CAND1: variants seen among roughly 807,000 people sequenced by gnomAD.
CAND1 encodes the protein cullin-associated NEDD8-dissociated protein 1.
CAND1 carries 7 observed loss-of-function variants against 108.5 expected under a neutral mutation model. The ratio of observed to expected loss-of-function variants is 0.06; its 90% CI spans 0.04 to 0.12. The LOEUF is 0.12. CAND1 is among the 10% of genes least tolerant of loss of function. The pLI, the probability that CAND1 is intolerant of heterozygous loss-of-function variation, is 1.00. For missense variants in CAND1, 941 were observed against 1,448.7 expected, an observed-to-expected ratio of 0.65 and a Z score of 5.69; for synonymous variants, 534 against 512.0, an observed-to-expected ratio of 1.04 and a Z score of -0.58.
intron 11 of CAND1, among the ~76,000 whole-genome samples, chr12:67,308,575 T>A (rs1256740512): frequency 6.6e-6 from 1 of 152,074 alleles, no homozygotes; most frequent in Non-Finnish European, 1.5e-5. Context: ...TGAATTATGA[T>A]CTAGTTAAGT....
rs1435380102 is a variant in CAND1, at chr12:67,299,580, A to C, written c.1000+485A>C. Among the ~76,000 whole-genome samples, 4 of 152,158 alleles carry C rather than the reference A, an allele frequency of 2.6e-5. No individual in the cohort carries two copies. The East Asian group carries it at 7.7e-4, about 29-fold the overall frequency. On this transcript the variant is annotated intron_variant, in intron 7 of 14. Coordinates refer to ENST00000545606, the MANE Select transcript of CAND1 (RefSeq NM_018448.5). ...TATTTAGGGCAGCTTGGCTTGAAAG[A>C]ATATTAGTTTGTTTATTCATAGTTC...
intron 1 of CAND1, among the ~76,000 whole-genome samples, chr12:67,281,637 A>G (rs1818053071): frequency 6.6e-6 from 1 of 152,178 alleles, no homozygotes; most frequent in Non-Finnish European, 1.5e-5. Flanking sequence ...TGGGGAAAAT[A>G]ATTTTGGATA....
At chr12:67,283,582 CAAA>C (rs376419534) in intron 2 of CAND1, among the ~76,000 whole-genome samples, 4 of 88,504 alleles carry the variant, frequency 4.5e-5, no homozygotes, top group Non-Finnish European at 2.4e-5. Context: ...GACTGTGTCT[CAAA>C]AAAAAAAAAA....
At chr12:67,293,087 GGAA>G (rs1317471994) in intron 3 of CAND1, 1 of 272,658 alleles carries the variant, frequency 3.7e-6, no homozygotes, top group African/African-American at 2.3e-5. Flanking sequence ...ATGCAGTGAG[GGAA>G]GAGATAACCA....
intron 2 of CAND1, among the ~76,000 whole-genome samples, chr12:67,287,857 A>ATTTTTTTTTTTT (rs34177330): frequency 1.8e-5 from 2 of 112,568 alleles, no homozygotes; most frequent in African/African-American, 3.3e-5. Context: ...TTTTGATGTG[A>ATTTTTTTTTTTT]TTTTTTTTTT....
chr12:67,283,945 A>T (rs1462129967), intron 2 of CAND1, among the ~76,000 whole-genome samples: 4 of 152,204 alleles, frequency 2.6e-5, no homozygotes, highest in Admixed American at 2.0e-4. Flanking sequence ...ATAGAGTAGG[A>T]GATAAAATGA....
At chr12:67,277,927 A>G (rs905733935) in intron 1 of CAND1, among the ~76,000 whole-genome samples, 2 of 152,144 alleles carry the variant, frequency 1.3e-5, no homozygotes, top group African/African-American at 2.4e-5. Context: ...GTTCTCTCCA[A>G]AGTATGGTCC....
Position 67,313,106 on chromosome 12 carries a change from G to A in CAND1, c.*276G>A. 1 of 268,030 alleles carries A rather than the reference G, an allele frequency of 3.7e-6. No homozygotes were observed. The highest frequency in any genetic ancestry group is 7.1e-6 in the Non-Finnish European group (1 of 141,474). The allele number at this position is 268,030 out of a possible 1,614,324, so 16.6% of individuals were successfully genotyped here. ...GGAAACTAAAAGTTAGGATTTTATG[G>A]AGTATGGAGATAGGGTCCAGTATCT... On this transcript the variant is annotated 3_prime_UTR_variant, in exon 15 of 15. Transcript: ENST00000545606.
At chr12:67,295,281 T>C in intron 4 of CAND1, 125 bp downstream of exon 4, 2 of 830,016 alleles carry the variant, frequency 2.4e-6, no homozygotes, top group Non-Finnish European at 3.5e-6. Flanking sequence ...GGTGGCTGTT[T>C]TATCAATTTG....
At chr12:67,285,992 T>C (rs76332981) in intron 2 of CAND1, among the ~76,000 whole-genome samples, 7,235 of 152,200 alleles carry the variant, frequency 0.048, 210 homozygotes, top group Non-Finnish European at 0.058. Context: ...GACATGTGTC[T>C]TTGTTTTATT....
At chr12:67,312,515 G>A (rs1046607543) in intron 14 of CAND1, 91 bp from the exon 15 acceptor site, 2 of 740,612 alleles carry the variant, frequency 2.7e-6, no homozygotes, top group African/African-American at 3.6e-5. Flanking sequence ...TACGAGAGTA[G>A]CTTTTAGCAG....
rs2044499481 is a variant in CAND1 at position 67,269,754 on chromosome 12, G to C, written c.37G>C (p.Glu13Gln). ...CTCGTACCACATTTCCAATTTGCTGGAAAAAATGACATCCAGCGACAAGGA... is the reference window on the plus strand; with the variant it reads ...CTCGTACCACATTTCCAATTTGCTGCAAAAAATGACATCCAGCGACAAGGA... ...SASYHISNLL[E>Q]KMTSSDKDFR... The change falls in exon 1 of 15, where the codon GAA becomes CAA. Residue 13 changes from glutamate to glutamine, a missense_variant. This residue lies in a region of CAND1 where 44 missense variants were observed against 129.1 expected (regional missense o/e 0.34). Transcript: ENST00000545606. 3 of 1,606,882 alleles carry C rather than the reference G, an allele frequency of 1.9e-6. No homozygotes were observed. The highest frequency in any genetic ancestry group is 2.5e-6 in the Non-Finnish European group (3 of 1,177,756).
rs1247529605 is a variant in CAND1 at position 67,319,608 on chromosome 12, T to TA, written c.*6779dup. On this transcript the variant is annotated 3_prime_UTR_variant, in exon 15 of 15. Coordinates refer to ENST00000545606, the MANE Select transcript of CAND1 (RefSeq NM_018448.5). ...CAGATACTGCTATTCCCCTCCTCCA[T>TA]ACCATTGCTGATGGTTACTGAGGGT... 1 of 152,220 alleles carries TA rather than the reference T, an allele frequency of 6.6e-6. No individual in the cohort carries two copies. The highest frequency in any genetic ancestry group is 1.9e-4 in the East Asian group (1 of 5,200). The allele number at this position is 152,220 out of a possible 1,614,324, so 9.4% of individuals were successfully genotyped here.
intron 1 of CAND1, among the ~76,000 whole-genome samples, chr12:67,278,836 A>G (rs1268356803): frequency 1.3e-5 from 2 of 152,208 alleles, no homozygotes; most frequent in African/African-American, 4.8e-5. Context: ...TGTTTTCTTG[A>G]TAACACTTTC....
rs1235526804 is a variant in CAND1, at chr12:67,305,212, C to T, written c.1544C>T (p.Pro515Leu). 6.2e-7 allele frequency: 1 copy of T among 1,614,046 alleles called. No individual in the cohort carries two copies. Among genetic ancestry groups the T allele is most frequent in the African/African-American group, 1.3e-5 (1 of 74,922 alleles). Reference protein sequence around the residue: ...LCNHSPQVFHPHVQALVPPVV... With the variant: ...LCNHSPQVFHLHVQALVPPVV... Reference sequence around the variant, plus strand: ...AACCATTCTCCTCAAGTCTTCCATCCTCACGTTCAGGCTTTGGTTCCTCCA... The same window carrying T: ...AACCATTCTCCTCAAGTCTTCCATCTTCACGTTCAGGCTTTGGTTCCTCCA... Residue 515 changes from proline to leucine, a missense_variant, in exon 10 of 15, where the codon CCT (proline) becomes CTT (leucine). Coordinates refer to ENST00000545606, the MANE Select transcript of CAND1 (RefSeq NM_018448.5). The surrounding 1 kb of genome is among the most constrained non-coding windows in gnomAD (Gnocchi z 4.4).
At position 67,314,390 on chromosome 12, in the gene CAND1, T is replaced by C. The variant is rs991376401; in HGVS notation, c.*1560T>C. On this transcript the variant is annotated 3_prime_UTR_variant, in exon 15 of 15. Coordinates refer to ENST00000545606, the MANE Select transcript of CAND1 (RefSeq NM_018448.5). ...CAGATGATAATGCAGAAGACATCAC[T>C]TCTAGTAAGGATTTTGACTAGTGCA... 3.3e-5 allele frequency: 5 copies of C among 152,228 alleles called. No homozygotes were observed. The highest frequency in any genetic ancestry group is 4.4e-5 in the Non-Finnish European group (3 of 68,032). The allele number at this position is 152,228 out of a possible 1,614,324, so 9.4% of individuals were successfully genotyped here. A position where few individuals can be genotyped will look rare whatever the true frequency, so the allele number is the denominator to read the frequency against.
intron 2 of CAND1, among the ~76,000 whole-genome samples, chr12:67,282,585 T>C (rs2044629833): frequency 6.6e-6 from 1 of 152,120 alleles, no homozygotes; most frequent in Admixed American, 6.5e-5. Flanking sequence ...AGAGACAAGG[T>C]CTCACTCTGT....
At chr12:67,284,638 A>G (rs150084777) in intron 2 of CAND1, among the ~76,000 whole-genome samples, 443 of 122,024 alleles carry the variant, frequency 3.6e-3, no homozygotes, top group Middle Eastern at 5.8e-3. Context: ...AGAATTCATC[A>G]TCTGTTCCAG....
At chr12:67,311,826 G>C in intron 14 of CAND1, 26 bp downstream of exon 14, 1 of 1,323,500 alleles carries the variant, frequency 7.6e-7, no homozygotes, top group Non-Finnish European at 1.1e-6. Context: ...TATCAACCTA[G>C]GTCAGACTTG....
Sources: gnomAD v4.1 joint callset for allele counts (sites outside exome capture counted in the v4.1 genomes callset) on GRCh38, gnomAD v4.1.1 for gene constraint, gnomAD v4.1.1 regional missense constraint, Gnocchi (gnomAD v3.1) non-coding constraint, MANE v1.5 for transcripts, NCBI Gene and HGNC (gene_info 2026-07-23, HGNC 2026-07-21) for gene names.